The following TRPM6 variants were observed in gnomAD, a reference collection of about 807,000 sequenced individuals.
TRPM6 encodes the protein transient receptor potential cation channel subfamily M member 6, also known as channel kinase 2.
Under a neutral mutation model 247.6 loss-of-function variants are expected in TRPM6, and 111 were observed. That is an observed-to-expected ratio of 0.45 (90% CI 0.38 to 0.52). The LOEUF (loss-of-function observed/expected upper bound fraction) is 0.52. TRPM6 is among the 20% of genes least tolerant of loss of function. The pLI, the probability that TRPM6 is intolerant of heterozygous loss-of-function variation, is 0.00. For missense variants in TRPM6, 2,126 were observed against 2,421.5 expected (o/e 0.88, Z 2.56); for synonymous variants, 892 against 853.8 (o/e 1.04, Z -0.78).
chr9:74,745,656 T>A (rs896744239), intron 31 of TRPM6, among the ~76,000 whole-genome samples: 5 of 152,020 alleles, frequency 3.3e-5, no homozygotes, highest in Non-Finnish European at 7.4e-5. Flanking sequence ...TAACAGCAAG[T>A]GTGAATGCCC....
intron 19 of TRPM6, among the ~76,000 whole-genome samples, chr9:74,791,982 C>T (rs962114667): frequency 3.9e-5 from 6 of 152,194 alleles, no homozygotes; most frequent in Admixed American, 6.5e-5. Context: ...TGGTCTCAAT[C>T]TCCTGACCTT....
At chr9:74,855,025 T>C (rs1830480723) in intron 3 of TRPM6, among the ~76,000 whole-genome samples, 1 of 152,210 alleles carries the variant, frequency 6.6e-6, no homozygotes, top group African/African-American at 2.4e-5. Context: ...TTCAATCCAT[T>C]ATATAAACTT....
chr9:74,887,842 A>T lies in TRPM6; in HGVS notation c.15T>A (p.Pro5=). 4 of 1,614,156 alleles carry T rather than the reference A, an allele frequency of 2.5e-6. No homozygotes were observed. The highest frequency in any genetic ancestry group is 8.5e-7 in the Non-Finnish European group (1 of 1,180,044). The change falls in exon 1 of 39, where the codon CCT becomes CCA. Residue 5 remains proline, a synonymous_variant. Transcript: ENST00000360774. The part of the protein sequence containing the change: MKEQ[P]VLERLQSQKS... ...AGCTTACCTGCAAGCGCTCCAAGACAGGTTGTTCTTTCATCTTTGATTTGC... is the reference window on the plus strand; with the variant it reads ...AGCTTACCTGCAAGCGCTCCAAGACTGGTTGTTCTTTCATCTTTGATTTGC...
At position 74,792,708 on chromosome 9, in the gene TRPM6, C is replaced by T; in HGVS notation, c.2454G>A (p.Leu818=). 1 of 1,613,962 alleles carries T rather than the reference C, an allele frequency of 6.2e-7. No homozygotes were observed. Reference sequence around the variant, plus strand: ...ACGGAAGGTGTTGGTGCCCACTTTCCAAACCAAAATGCTGATTTTCATCCA... The same window carrying T: ...ACGGAAGGTGTTGGTGCCCACTTTCTAAACCAAAATGCTGATTTTCATCCA... The part of the protein sequence containing the change: ...EKLDENQHFG[L]ESGHQHLPWT... Residue 818 remains leucine, a synonymous_variant, in exon 19 of 39, where the codon TTG becomes TTA. Coordinates refer to ENST00000360774, the MANE Select transcript of TRPM6 (RefSeq NM_017662.5).
At position 74,800,501 on chromosome 9, in the gene TRPM6, A is replaced by G. The variant is rs1386568061; in HGVS notation, c.2010-19T>C. 4.4e-6 allele frequency: 7 copies of G among 1,591,614 alleles called. No individual in the cohort carries two copies. The highest frequency in any genetic ancestry group is 1.3e-5 in the African/African-American group (1 of 74,424). ...AAACTGTCTGCCATGAGGGTGGCCA[A>G]TTAAGAAAACAAAGGCAGGTGAGAG... On this transcript the variant is annotated intron_variant, in intron 16 of 38. Coordinates refer to ENST00000360774, the MANE Select transcript of TRPM6 (RefSeq NM_017662.5).
rs34608911 is a variant in TRPM6, at chr9:74,762,850, T to C, written c.3821A>G (p.Gln1274Arg). The change falls in exon 26 of 39, where the codon CAG (glutamine) becomes CGG (arginine). Residue 1274 changes from glutamine to arginine, a missense_variant. Coordinates refer to ENST00000360774, the MANE Select transcript of TRPM6 (RefSeq NM_017662.5). ...SMEIAGEKKY[Q>R]YYSMPSSLLR... ...CAAAGAAGAGGGCATGCTATAATAC[T>C]GGTATTTCTTCTCTCCAGCGATCTC... is the stretch of plus-strand genomic sequence containing the variant. The C allele has an allele frequency of 1.4e-3, 2,315 of 1,614,058 alleles. 25 individuals are homozygous for C. The African/African-American group carries it at 0.028, about 19-fold the overall frequency.
intron 33 of TRPM6, among the ~76,000 whole-genome samples, chr9:74,741,751 G>T (rs1271990246): frequency 6.6e-6 from 1 of 151,972 alleles, no homozygotes. Context: ...TTAGCTGGGC[G>T]TGGTGGTGCA....
In TRPM6 at chr9:74,833,990, C is replaced by A. The variant is rs773158785; in HGVS notation, c.669+8G>T. 75 of 1,613,792 alleles carry A rather than the reference C, an allele frequency of 4.6e-5. No individual in the cohort carries two copies. The highest frequency in any genetic ancestry group is 6.1e-5 in the Non-Finnish European group (72 of 1,179,890). ...TTTGCTTTTGTTATGAAAGGATTGT[C>A]TACTTACATCTTTTCCAATAAGGTC... is the stretch of plus-strand genomic sequence containing the variant. On this transcript the variant is annotated splice_region_variant and intron_variant, in intron 6 of 38. Transcript: ENST00000360774.
intron 6 of TRPM6, among the ~76,000 whole-genome samples, chr9:74,832,961 G>T (rs1005117208): frequency 5.3e-5 from 8 of 151,784 alleles, no homozygotes; most frequent in African/African-American, 1.7e-4. Context: ...TAAGGCAAGA[G>T]AATTGCTTGA....
chr9:74,834,420 C>G (rs759929866), intron 5 of TRPM6, among the ~76,000 whole-genome samples: 2 of 151,990 alleles, frequency 1.3e-5, no homozygotes, highest in Non-Finnish European at 2.9e-5. Context: ...TGTGCACTGT[C>G]CTTCCTCAGC....
chr9:74,818,853 C>T lies in TRPM6; in HGVS notation c.1134+1451G>A, dbSNP rs539532096. 3.2e-4 allele frequency among the ~76,000 whole-genome samples: 49 copies of T among 151,966 alleles called. 1 individual carries two copies. Among genetic ancestry groups the T allele is most frequent in the African/African-American group, 1.2e-3 (48 of 41,478 alleles). The stretch of plus-strand genomic sequence containing the variant: ...CGTCATGCTTCCTCTAGCCAGAACA[C>T]TTCAGTTGGTTTTTTTTTTTGAGGC... On this transcript the variant is annotated intron_variant, in intron 9 of 38. Transcript: ENST00000360774.
At chr9:74,793,510 C>T (rs539578573) in intron 18 of TRPM6, among the ~76,000 whole-genome samples, 5 of 152,186 alleles carry the variant, frequency 3.3e-5, no homozygotes, top group South Asian at 2.1e-4. Flanking sequence ...CGCCACCACA[C>T]CTGGCTAATT....
In TRPM6 at chr9:74,782,868, A is replaced by C; in HGVS notation, c.2920-15T>G. On this transcript the variant is annotated splice_polypyrimidine_tract_variant and intron_variant, in intron 21 of 38. Transcript: ENST00000360774. ...ATGTTTGCTGTCTGCAAAAGAGCAT[A>C]GTACAACCAGAATTTTACCACAGAT... 1 of 1,613,574 alleles carries C rather than the reference A, an allele frequency of 6.2e-7. No individual in the cohort carries two copies. The highest frequency in any genetic ancestry group is 8.5e-7 in the Non-Finnish European group (1 of 1,179,586).
chr9:74,828,338 C>T (rs1027553647), intron 6 of TRPM6, among the ~76,000 whole-genome samples: 6 of 151,872 alleles, frequency 4.0e-5, no homozygotes, highest in Non-Finnish European at 5.9e-5. Context: ...TGCAACAGAA[C>T]GAGACTCCGT....
At chr9:74,786,270 T>G (rs1392701376) in intron 20 of TRPM6, 145 bp from the exon 21 acceptor site, 1 of 807,036 alleles carries the variant, frequency 1.2e-6, no homozygotes, top group Non-Finnish European at 2.0e-6. Context: ...TTCAGAGACT[T>G]AAGTTATCAT....
At chr9:74,886,208 A>T (rs975203477) in intron 1 of TRPM6, among the ~76,000 whole-genome samples, 2 of 152,188 alleles carry the variant, frequency 1.3e-5, no homozygotes, top group African/African-American at 4.8e-5. Context: ...TTTTGGCCCA[A>T]AAAACAAAAC....
At chr9:74,794,199 A>G (rs1828009373) in intron 18 of TRPM6, among the ~76,000 whole-genome samples, 1 of 152,200 alleles carries the variant, frequency 6.6e-6, no homozygotes, top group African/African-American at 2.4e-5. Flanking sequence ...TTAAAGTAAT[A>G]TTAAAAGAAA....
At chr9:74,833,135 G>A (rs1829601156) in intron 6 of TRPM6, among the ~76,000 whole-genome samples, 1 of 151,808 alleles carries the variant, frequency 6.6e-6, no homozygotes, top group African/African-American at 2.4e-5. Context: ...AAATAGGTAA[G>A]CTGAAAAAAA....
chr9:74,844,053 A>G (rs1481212354), intron 3 of TRPM6, among the ~76,000 whole-genome samples: 1 of 152,192 alleles, frequency 6.6e-6, no homozygotes, highest in Non-Finnish European at 1.5e-5. Context: ...AGTAAACCAT[A>G]CTAAAGACAA....
Sources: gnomAD v4.1 joint callset for allele counts (sites outside exome capture counted in the v4.1 genomes callset) on GRCh38, gnomAD v4.1.1 for gene constraint, MANE v1.5 for transcripts, NCBI Gene and HGNC (gene_info 2026-07-23, HGNC 2026-07-21) for gene names.